ERBB4: variants seen among roughly 807,000 people sequenced by gnomAD.
ERBB4 encodes the protein erb-b2 receptor tyrosine kinase 4, also known as receptor tyrosine-protein kinase erbB-4.
In ERBB4, 42 loss-of-function variants were observed where a neutral mutation model predicts 158.0. The observed-to-expected ratio is 0.27, with a 90% confidence interval of 0.21 to 0.34. ERBB4 has a LOEUF of 0.34. Ranked by LOEUF, ERBB4 falls within the 10% of genes least tolerant of loss-of-function variation. The pLI, the probability that ERBB4 is intolerant of heterozygous loss-of-function variation, is 1.00. For synonymous variants in ERBB4, 583 were observed against 558.7 expected (o/e 1.04, Z -0.61); for missense variants, 1,333 against 1,624.1 (o/e 0.82, Z 3.08).
chr2:211,966,093 G>A (rs2081303589), intron 2 of ERBB4, among the ~76,000 whole-genome samples: 1 of 151,970 alleles, frequency 6.6e-6, no homozygotes. Flanking sequence ...ACATGCCTGT[G>A]GTCCCAGCTA....
At chr2:211,713,784 C>T (rs943250309) in intron 7 of ERBB4, 136 bp from the exon 8 acceptor site, 3 of 645,606 alleles carry the variant, frequency 4.6e-6, no homozygotes, top group Non-Finnish European at 2.7e-6. Flanking sequence ...TTAAACAACT[C>T]TTTGTTTAAA....
chr2:212,053,659 C>T (rs1233902971), intron 2 of ERBB4, among the ~76,000 whole-genome samples: 2 of 152,156 alleles, frequency 1.3e-5, no homozygotes, highest in East Asian at 3.9e-4. Flanking sequence ...CACAGGGCAG[C>T]CTATGATCTG....
rs114518248 is a variant in ERBB4 at position 212,340,502 on chromosome 2, G to T, written c.82+197947C>A. ...CTGCAACTGCATGGTCCCATCTGGG[G>T]GTGATGATAGACAATGACAGATCAT... On this transcript the variant is annotated intron_variant, in intron 1 of 27. Coordinates refer to ENST00000342788, the MANE Select transcript of ERBB4 (RefSeq NM_005235.3). 6.6e-3 allele frequency among the ~76,000 whole-genome samples: 1,005 copies of T among 152,282 alleles called. 13 individuals are homozygous for T. The highest frequency in any genetic ancestry group is 0.023 in the African/African-American group (964 of 41,570).
intron 1 of ERBB4, among the ~76,000 whole-genome samples, chr2:212,282,825 G>A (rs1275241048): frequency 1.3e-5 from 2 of 151,902 alleles, no homozygotes; most frequent in Non-Finnish European, 1.5e-5. Flanking sequence ...GTAACAGGAT[G>A]TTGCCTTACG....
At chr2:211,494,344 C>T (rs1649390181) in intron 20 of ERBB4, among the ~76,000 whole-genome samples, 1 of 152,052 alleles carries the variant, frequency 6.6e-6, no homozygotes, top group Admixed American at 6.6e-5. Flanking sequence ...CTAACAACAT[C>T]ATTAAAATGT....
At chr2:212,346,813 G>T (rs16848401) in intron 1 of ERBB4, among the ~76,000 whole-genome samples, 5 of 151,912 alleles carry the variant, frequency 3.3e-5, no homozygotes, top group African/African-American at 1.2e-4. Flanking sequence ...ACTTAGGAAA[G>T]AATGGAAATA....
At chr2:211,895,171 A>G (rs1441244508) in intron 3 of ERBB4, among the ~76,000 whole-genome samples, 2 of 152,188 alleles carry the variant, frequency 1.3e-5, no homozygotes, top group African/African-American at 4.8e-5. Flanking sequence ...TGTGAACTGG[A>G]AATGATGTAC....
chr2:211,612,808 G>A (rs563651183), intron 19 of ERBB4, among the ~76,000 whole-genome samples: 5 of 152,128 alleles, frequency 3.3e-5, no homozygotes, highest in African/African-American at 9.6e-5. Flanking sequence ...TTAAGATGAC[G>A]ACAAAAGAGT....
At chr2:211,833,308 G>A (rs989837920) in intron 3 of ERBB4, among the ~76,000 whole-genome samples, 23 of 152,134 alleles carry the variant, frequency 1.5e-4, no homozygotes, top group Admixed American at 7.2e-4. Context: ...GTCTAAGGAC[G>A]TCTTAGTTTT....
chr2:212,322,005 C>T (rs1034652224), intron 1 of ERBB4, among the ~76,000 whole-genome samples: 2 of 150,218 alleles, frequency 1.3e-5, no homozygotes, highest in African/African-American at 2.4e-5. Flanking sequence ...TTTGTTGGTA[C>T]AATGCAAGTT....
At chr2:212,479,768 G>A (rs575206059) in intron 1 of ERBB4, among the ~76,000 whole-genome samples, 6 of 152,262 alleles carry the variant, frequency 3.9e-5, no homozygotes, top group Admixed American at 1.3e-4. Context: ...TGAGATATAT[G>A]TTTGGTGGAA....
At chr2:212,009,847 T>A (rs931461335) in intron 2 of ERBB4, among the ~76,000 whole-genome samples, 4 of 152,114 alleles carry the variant, frequency 2.6e-5, no homozygotes, top group Admixed American at 2.6e-4. Flanking sequence ...ATTTGTATCC[T>A]CCCACCTGTC....
intron 20 of ERBB4, among the ~76,000 whole-genome samples, chr2:211,458,738 T>C (rs924713796): frequency 1.3e-5 from 2 of 152,168 alleles, no homozygotes; most frequent in Non-Finnish European, 2.9e-5. Flanking sequence ...TGCCTCAAGC[T>C]TTGCTTTCAG....
intron 16 of ERBB4, among the ~76,000 whole-genome samples, chr2:211,637,328 A>T (rs1300602344): frequency 2.6e-5 from 4 of 151,954 alleles, no homozygotes; most frequent in Non-Finnish European, 5.9e-5. Context: ...GAGGCAAGGA[A>T]TATAGCTTTG....
chr2:212,113,190 C>A (rs2079467454), intron 2 of ERBB4, among the ~76,000 whole-genome samples: 2 of 152,176 alleles, frequency 1.3e-5, no homozygotes, highest in East Asian at 3.9e-4. Context: ...TTAGTAGAGA[C>A]TGTATGATTT....
At chr2:211,847,328 A>G (rs2077614243) in intron 3 of ERBB4, among the ~76,000 whole-genome samples, 1 of 152,198 alleles carries the variant, frequency 6.6e-6, no homozygotes, top group African/African-American at 2.4e-5. Context: ...AGCGGTTACA[A>G]TAACCAACAA....
chr2:212,189,768 T>C (rs1402078672), intron 1 of ERBB4, among the ~76,000 whole-genome samples: 2 of 152,224 alleles, frequency 1.3e-5, no homozygotes, highest in Admixed American at 6.5e-5. Flanking sequence ...ATAAGATTCA[T>C]ATCGCTTTGT....
chr2:212,492,028 A>G (rs1202153608), intron 1 of ERBB4, among the ~76,000 whole-genome samples: 3 of 151,598 alleles, frequency 2.0e-5, no homozygotes. Flanking sequence ...TCTTTTAAGC[A>G]GAGACAAAAC....
At chr2:212,061,906 T>G (rs894346530) in intron 2 of ERBB4, among the ~76,000 whole-genome samples, 1 of 151,930 alleles carries the variant, frequency 6.6e-6, no homozygotes, top group Non-Finnish European at 1.5e-5. Context: ...TGGCTAATTT[T>G]GTATTTTTGG....
Sources: gnomAD v4.1 joint callset for allele counts (sites outside exome capture counted in the v4.1 genomes callset) on GRCh38, gnomAD v4.1.1 for gene constraint, MANE v1.5 for transcripts, NCBI Gene and HGNC (gene_info 2026-07-23, HGNC 2026-07-21) for gene names.